The following C9orf85 variants were observed in gnomAD, a reference collection of about 807,000 sequenced individuals.
C9orf85 encodes uncharacterized protein C9orf85.
C9orf85 carries 16 observed loss-of-function variants against 14.9 expected under a neutral mutation model. The ratio of observed to expected loss-of-function variants is 1.08; its 90% CI spans 0.73 to 1.63. The LOEUF (loss-of-function observed/expected upper bound fraction) is 1.63. C9orf85 is among the 40% of genes most tolerant of loss of function. C9orf85 has a pLI of 0.00. For synonymous variants in C9orf85, 45 were observed against 56.8 expected, an observed-to-expected ratio of 0.79 and a Z score of 0.93; for missense variants, 172 against 186.1, an observed-to-expected ratio of 0.92 and a Z score of 0.44.
chr9:71,976,158 A>C (rs889798617), downstream of C9orf85, among the ~76,000 whole-genome samples: 2 of 152,202 alleles, frequency 1.3e-5, no homozygotes, highest in Non-Finnish European at 2.9e-5. Context: ...CTTCTAGTCC[A>C]AAAGCTGTTT....
intron 1 of C9orf85, among the ~76,000 whole-genome samples, chr9:71,920,243 A>G (rs896725242): frequency 6.6e-6 from 1 of 152,184 alleles, no homozygotes; most frequent in Non-Finnish European, 1.5e-5. Flanking sequence ...TGTCTAATAC[A>G]TGACAGCTGA....
intron 3 of C9orf85, among the ~76,000 whole-genome samples, chr9:71,980,428 G>T (rs1387827879): frequency 6.6e-6 from 1 of 152,140 alleles, no homozygotes; most frequent in East Asian, 1.9e-4. Flanking sequence ...TTGGCCCTGG[G>T]GAAATTGCCG....
intron 1 of C9orf85, among the ~76,000 whole-genome samples, chr9:71,935,549 T>C: frequency 6.6e-6 from 1 of 150,956 alleles, no homozygotes; most frequent in East Asian, 1.9e-4. Context: ...TCCCATACTT[T>C]GGGATACTGA....
intron 1 of C9orf85, among the ~76,000 whole-genome samples, chr9:71,921,155 G>A (rs899384140): frequency 1.1e-4 from 16 of 152,228 alleles, no homozygotes; most frequent in African/African-American, 2.4e-4. Context: ...GTATTTTTCC[G>A]GAAAATATAT....
chr9:71,983,625 CA>C (rs1217195591), downstream of C9orf85: 10 of 152,292 alleles, frequency 6.6e-5, no homozygotes, highest in Middle Eastern at 3.4e-3. Flanking sequence ...GCATCATTTA[CA>C]AAACTGTAGA....
chr9:71,964,389 G>T (rs1281927700), intron 2 of C9orf85, among the ~76,000 whole-genome samples: 1 of 152,010 alleles, frequency 6.6e-6, no homozygotes, highest in Non-Finnish European at 1.5e-5. Flanking sequence ...AAATCTTGCT[G>T]CTGCTCACTC....
At chr9:71,980,216 T>G (rs6560246) in intron 3 of C9orf85, among the ~76,000 whole-genome samples, 149,619 of 152,170 alleles carry the variant, frequency 0.98, 73,594 homozygotes, top group East Asian at 1. Flanking sequence ...GTTTCACCAT[T>G]TTGGCCAGGC....
intron 1 of C9orf85, among the ~76,000 whole-genome samples, chr9:71,929,057 T>C (rs1828006627): frequency 6.6e-6 from 1 of 152,200 alleles, no homozygotes; most frequent in African/African-American, 2.4e-5. Flanking sequence ...TCTTGTGACA[T>C]ATTAATATGA....
At chr9:71,943,082 T>C (rs1166645611) in intron 1 of C9orf85, among the ~76,000 whole-genome samples, 1 of 152,122 alleles carries the variant, frequency 6.6e-6, no homozygotes, top group African/African-American at 2.4e-5. Flanking sequence ...AAATAAGATA[T>C]AAAAGTTTCT....
chr9:71,929,258 T>C (rs943193485), intron 1 of C9orf85, among the ~76,000 whole-genome samples: 1 of 152,228 alleles, frequency 6.6e-6, no homozygotes, highest in African/African-American at 2.4e-5. Flanking sequence ...CTCATTCTTC[T>C]TTTTTGTTTA....
rs967122542 is a variant in C9orf85, at chr9:71,972,679, C to A, written c.324-13C>A. On this transcript the variant is annotated splice_polypyrimidine_tract_variant and intron_variant, in intron 3 of 3. Coordinates refer to ENST00000334731, the MANE Select transcript of C9orf85 (RefSeq NM_182505.5). ...CCTGGGAAATAAATAGAAATTTTTT[C>A]TTTCATCTTTAGGTTGAATAAAGAA... The A allele has an allele frequency of 6.5e-7, 1 of 1,529,180 alleles. No individual in the cohort carries two copies. The highest frequency in any genetic ancestry group is 8.9e-7 in the Non-Finnish European group (1 of 1,127,096). 94.7% of individuals were successfully genotyped at this position (1,529,180 alleles called of 1,614,324 possible). A position where few individuals can be genotyped will look rare whatever the true frequency, so the allele number is the denominator to read the frequency against.
intron 1 of C9orf85, among the ~76,000 whole-genome samples, chr9:71,914,999 C>T (rs984085293): frequency 1.3e-5 from 2 of 152,186 alleles, no homozygotes; most frequent in African/African-American, 4.8e-5. Flanking sequence ...TGATGTCCAA[C>T]GAAAAGAGCA....
At chr9:71,974,751 C>A (rs1186430028), downstream of C9orf85, among the ~76,000 whole-genome samples, 2 of 152,118 alleles carry the variant, frequency 1.3e-5, no homozygotes, top group African/African-American at 2.4e-5. Flanking sequence ...GAGATTTTAT[C>A]CCCTTGTTCA....
At chr9:71,932,149 A>G (rs959015609) in intron 1 of C9orf85, among the ~76,000 whole-genome samples, 1 of 152,178 alleles carries the variant, frequency 6.6e-6, no homozygotes, top group African/African-American at 2.4e-5. Context: ...TGATGCTCAG[A>G]TCTGATACTC....
intron 1 of C9orf85, among the ~76,000 whole-genome samples, chr9:71,925,622 G>A (rs1191645805): frequency 1.3e-5 from 2 of 152,086 alleles, no homozygotes; most frequent in African/African-American, 2.4e-5. Context: ...AAAAAATATA[G>A]GGAGGCAAAA....
chr9:71,983,884 T>C (rs1345952859), downstream of C9orf85: 1 of 152,216 alleles, frequency 6.6e-6, no homozygotes, highest in Admixed American at 6.5e-5. Flanking sequence ...GAGATGCCAG[T>C]AATAGGATAT....
intron 1 of C9orf85, among the ~76,000 whole-genome samples, chr9:71,934,934 G>T (rs918771730): frequency 2.0e-5 from 3 of 152,008 alleles, no homozygotes; most frequent in African/African-American, 7.2e-5. Context: ...AAAAGAAACA[G>T]CCCAATTCAA....
intron 2 of C9orf85, among the ~76,000 whole-genome samples, chr9:71,948,120 G>A (rs1822145731): frequency 6.6e-6 from 1 of 152,148 alleles, no homozygotes; most frequent in African/African-American, 2.4e-5. Context: ...TACATTATAA[G>A]ATTTAATTTG....
intron 1 of C9orf85, among the ~76,000 whole-genome samples, chr9:71,937,236 A>C (rs965318663): frequency 5.9e-5 from 9 of 152,214 alleles, no homozygotes; most frequent in Non-Finnish European, 1.3e-4. Context: ...TGCCAGAAAA[A>C]GGTACTGCCA....
Sources: allele counts gnomAD v4.1 joint callset (sites outside exome capture counted in the v4.1 genomes callset), GRCh38; gene constraint gnomAD v4.1.1; transcripts MANE v1.5; gene names NCBI Gene and HGNC (gene_info 2026-07-23, HGNC 2026-07-21).